Variants in RBBP6 observed in about 807,000 individuals in gnomAD.
The protein encoded by RBBP6 is RB binding protein 6, ubiquitin ligase, also known as E3 ubiquitin-protein ligase RBBP6.
A neutral mutation model predicts 167.7 loss-of-function variants in RBBP6; 25 were observed. That is an observed-to-expected ratio of 0.15 (90% CI 0.11 to 0.21). The LOEUF is 0.21. Among genes scored for constraint, RBBP6 ranks in the 10% least tolerant of loss-of-function variants. The pLI is 1.00. For synonymous variants in RBBP6, 789 were observed against 735.8 expected, an observed-to-expected ratio of 1.07 and a Z score of -1.17; for missense variants, 1,868 against 2,134.2, an observed-to-expected ratio of 0.88 and a Z score of 2.46.
Position 24,556,465 on chromosome 16 carries a change from G to A in RBBP6, c.674+18G>A. On this transcript the variant is annotated intron_variant, in intron 7 of 17. Coordinates refer to ENST00000319715, the MANE Select transcript of RBBP6 (RefSeq NM_006910.5). ...ATAGATGCGTAAGTATGCAAATTAG[G>A]TATGACCTGTGGAGACTCCAGTCAG... 3 of 1,608,624 alleles carry A rather than the reference G, an allele frequency of 1.9e-6. No homozygotes were observed. The highest frequency in any genetic ancestry group is 2.5e-6 in the Non-Finnish European group (3 of 1,177,434).
rs866326506 is a variant in RBBP6 at position 24,563,131 on chromosome 16, A to C, written c.1290-68A>C. ...CTGCAGGTGATGGGTAAACAGCAGC[A>C]AACTTTTTTACTCTTAATTGTCCAT... On this transcript the variant is annotated intron_variant, in intron 10 of 17. Coordinates refer to ENST00000319715, the MANE Select transcript of RBBP6 (RefSeq NM_006910.5). 3.0e-6 allele frequency: 4 copies of C among 1,316,796 alleles called. No individual in the cohort carries two copies. The East Asian group carries it at 9.9e-5, about 33-fold the overall frequency. 81.6% of individuals were successfully genotyped at this position (1,316,796 alleles called of 1,614,324 possible).
chr16:24,552,990 C>G (rs1177508142), intron 3 of RBBP6: 1 of 151,792 alleles, frequency 6.6e-6, no homozygotes, highest in Non-Finnish European at 1.5e-5. Context: ...AGCTATTACT[C>G]TTTGTATGAG....
At chr16:24,567,536 CT>C (rs1454147344) in intron 15 of RBBP6, 31 bp downstream of exon 15, 1 of 1,553,776 alleles carries the variant, frequency 6.4e-7, no homozygotes, top group South Asian at 1.2e-5. Context: ...TTATTATACA[CT>C]TTTTTCATTT....
Position 24,564,790 on chromosome 16 carries a change from C to T in RBBP6, c.1521-7C>T. 6.2e-7 allele frequency: 1 copy of T among 1,610,748 alleles called. No individual in the cohort carries two copies. The highest frequency in any genetic ancestry group is 8.5e-7 in the Non-Finnish European group (1 of 1,178,260). On this transcript the variant is annotated splice_polypyrimidine_tract_variant and splice_region_variant and intron_variant, in intron 13 of 17. Coordinates refer to ENST00000319715, the MANE Select transcript of RBBP6 (RefSeq NM_006910.5). The stretch of plus-strand genomic sequence containing the variant: ...TACTTGAGCCTATTTTTTTTTCTCC[C>T]ACACAGTTCCAACAAACTTGGCTAT...
intron 14 of RBBP6, among the ~76,000 whole-genome samples, chr16:24,566,206 C>A (rs1449047056): frequency 1.3e-5 from 2 of 152,202 alleles, no homozygotes; most frequent in Non-Finnish European, 2.9e-5. Flanking sequence ...ATCTAAACCC[C>A]TACTGTTGCT....
intron 15 of RBBP6, 76 bp from the exon 16 acceptor site, chr16:24,567,716 G>T: frequency 7.4e-7 from 1 of 1,349,362 alleles, no homozygotes; most frequent in East Asian, 2.3e-5. Context: ...TTTCATTCAT[G>T]ATCTAATTAC....
At chr16:24,559,435 ATAG>A in intron 7 of RBBP6, 67 bp from the exon 8 acceptor site, 7 of 1,282,722 alleles carry the variant, frequency 5.5e-6, no homozygotes, top group Non-Finnish European at 7.6e-6. Flanking sequence ...CCATTATGTT[ATAG>A]TAGAACATGT....
intron 14 of RBBP6, among the ~76,000 whole-genome samples, chr16:24,566,532 G>A (rs1354570753): frequency 1.3e-5 from 2 of 152,142 alleles, no homozygotes; most frequent in Non-Finnish European, 2.9e-5. Context: ...CCTGAGGTCA[G>A]GAGTTTGAGA....
intron 3 of RBBP6, among the ~76,000 whole-genome samples, chr16:24,551,301 C>CT (rs969316334): frequency 3.3e-5 from 5 of 151,590 alleles, no homozygotes; most frequent in African/African-American, 9.7e-5. Context: ...AAGTGGCAGA[C>CT]TTTTTTTTAC....
chr16:24,561,997 T>G lies in RBBP6; in HGVS notation c.1125T>G (p.Ser375=). The change falls in exon 10 of 18, where the codon TCT becomes TCG. Residue 375 remains serine (S), a synonymous_variant. Coordinates refer to ENST00000319715, the MANE Select transcript of RBBP6 (RefSeq NM_006910.5). Reference sequence around the variant, plus strand: ...ATCCTCTTATGATTCCAGTGACATCTTCATCAACTCACCCAGCTCCGTCTA... The same window carrying G: ...ATCCTCTTATGATTCCAGTGACATCGTCATCAACTCACCCAGCTCCGTCTA... ...QQDPLMIPVT[S]SSTHPAPSIS... The G allele has an allele frequency of 6.2e-7, 1 of 1,613,828 alleles. No homozygotes were observed. Among genetic ancestry groups the G allele is most frequent in the Non-Finnish European group, 8.5e-7 (1 of 1,179,788 alleles).
chr16:24,557,786 TTGAAG>T (rs1201385936), intron 7 of RBBP6, among the ~76,000 whole-genome samples: 2 of 152,230 alleles, frequency 1.3e-5, no homozygotes, highest in South Asian at 2.1e-4. Flanking sequence ...ATAAATATTG[TTGAAG>T]TGTAGTGTAG....
chr16:24,570,597 G>A, intron 17 of RBBP6, 98 bp downstream of exon 17: 1 of 1,123,704 alleles, frequency 8.9e-7, no homozygotes, highest in Non-Finnish European at 1.2e-6. Flanking sequence ...TATGAATGCT[G>A]ATCTAGGGAA....
intron 4 of RBBP6, chr16:24,554,322 G>A (rs1414529628): frequency 6.6e-6 from 1 of 151,758 alleles, no homozygotes; most frequent in Non-Finnish European, 1.5e-5. Context: ...AAAATAGGCA[G>A]ACTTTTGAGG....
At chr16:24,549,255 G>A (rs1474690716) in intron 3 of RBBP6, 4 of 1,272,512 alleles carry the variant, frequency 3.1e-6, no homozygotes, top group Admixed American at 3.8e-5. Flanking sequence ...TACAGTTAAT[G>A]TATGATCCTT....
At chr16:24,567,560 A>G (rs1276421746) in intron 15 of RBBP6, 55 bp downstream of exon 15, 1 of 1,514,046 alleles carries the variant, frequency 6.6e-7, no homozygotes, top group African/African-American at 1.4e-5. Context: ...TGATAATAAC[A>G]TTAAATAGGT....
Position 24,569,856 on chromosome 16 carries a change from G to C in RBBP6, c.3166G>C (p.Glu1056Gln), listed in dbSNP as rs770450093. 3 of 1,610,958 alleles carry C rather than the reference G, an allele frequency of 1.9e-6. No individual in the cohort carries two copies. Among genetic ancestry groups the C allele is most frequent in the Non-Finnish European group, 2.5e-6 (3 of 1,179,372 alleles). Residue 1056 changes from glutamate (E) to glutamine (Q), a missense_variant, in exon 17 of 18, where the codon GAA becomes CAA. Around this residue, in one of 7 missense-constraint regions of RBBP6, gnomAD observed 673 missense variants for 691.5 expected, o/e 0.97. Transcript: ENST00000319715. The stretch of plus-strand genomic sequence containing the variant: ...AGAACGTGAGAGATCTCCTCGATCT[G>C]AACCTCCAATTAAAAAAGCCAAAGA... ...DGERERSPRS[E>Q]PPIKKAKEET...
chr16:24,543,175 G>A (rs986176504), intron 1 of RBBP6, among the ~76,000 whole-genome samples: 27 of 151,920 alleles, frequency 1.8e-4, no homozygotes, highest in African/African-American at 5.8e-4. Context: ...TTTTATCACA[G>A]TTAAGGTCCA....
intron 1 of RBBP6, among the ~76,000 whole-genome samples, chr16:24,542,448 G>T (rs1898524623): frequency 6.8e-6 from 1 of 148,138 alleles, no homozygotes; most frequent in Non-Finnish European, 1.5e-5. Flanking sequence ...CCCAACAATT[G>T]AATGCAGCTT....
At position 24,540,427 on chromosome 16, in the gene RBBP6, T is replaced by G; in HGVS notation, c.-200T>G. ...GTCCTCCTCCTCCCCCATGAAGTGA[T>G]TCTGAGTATCGGGGGGTCTCTGGAT... On this transcript the variant is annotated 5_prime_UTR_variant, in exon 1 of 18. Transcript: ENST00000319715. 1 of 467,288 alleles carries G rather than the reference T, an allele frequency of 2.1e-6. No homozygotes were observed. Among genetic ancestry groups the G allele is most frequent in the Non-Finnish European group, 3.8e-6 (1 of 264,898 alleles). The allele number at this position is 467,288 out of a possible 1,614,324, so 28.9% of individuals were successfully genotyped here. A position where few individuals can be genotyped will look rare whatever the true frequency, so the allele number is the denominator to read the frequency against.
Sources: gnomAD v4.1 joint callset for allele counts (sites outside exome capture counted in the v4.1 genomes callset) on GRCh38, gnomAD v4.1.1 for gene constraint, gnomAD v4.1.1 regional missense constraint, MANE v1.5 for transcripts, NCBI Gene and HGNC (gene_info 2026-07-23, HGNC 2026-07-21) for gene names.